ANAPC4: variants seen among roughly 807,000 people sequenced by gnomAD.
ANAPC4 encodes the protein anaphase-promoting complex subunit 4.
A neutral mutation model predicts 119.8 loss-of-function variants in ANAPC4; 63 were observed. That is an observed-to-expected ratio of 0.53 (90% CI 0.43 to 0.65). ANAPC4 has a LOEUF of 0.65. Among genes scored for constraint, ANAPC4 ranks in the 30% least tolerant of loss-of-function variants. ANAPC4 has a pLI of 0.00. For synonymous variants in ANAPC4, 283 were observed against 318.6 expected, an observed-to-expected ratio of 0.89 and a Z score of 1.19; for missense variants, 716 against 945.1, an observed-to-expected ratio of 0.76 and a Z score of 3.18.
intron 2 of ANAPC4, among the ~76,000 whole-genome samples, chr4:25,379,130 T>C (rs1035141337): frequency 6.6e-6 from 1 of 151,986 alleles, no homozygotes; most frequent in African/African-American, 2.4e-5. Context: ...AAGTTTAAAA[T>C]GGAGATTTTG....
chr4:25,383,199 A>AT, intron 3 of ANAPC4, 62 bp from the exon 4 acceptor site: 1 of 1,441,012 alleles, frequency 6.9e-7, no homozygotes, highest in Non-Finnish European at 9.2e-7. Flanking sequence ...AATAAGGGAA[A>AT]TACCCATTTA....
chr4:25,409,733 C>T lies in ANAPC4; in HGVS notation c.1467C>T (p.Pro489=), dbSNP rs754745978. 2 of 1,612,946 alleles carry T rather than the reference C, an allele frequency of 1.2e-6. No individual in the cohort carries two copies. Among genetic ancestry groups the T allele is most frequent in the Admixed American group, 3.3e-5 (2 of 59,958 alleles). ...LKDEDDDLVS[P]PNTEGNQWYD... ...ATGAAGATGATGATCTTGTGTCACC[C>T]CCTAACACAGAAGGAAACCAGTGGT... Residue 489 remains proline, a synonymous_variant, in exon 21 of 29, where the codon CCC becomes CCT. Transcript: ENST00000315368.
At chr4:25,378,725 G>GGGAAACCTAATA (rs1182127186) in intron 2 of ANAPC4, among the ~76,000 whole-genome samples, 2 of 152,184 alleles carry the variant, frequency 1.3e-5, no homozygotes, top group Non-Finnish European at 2.9e-5. Flanking sequence ...AGGTGGACTT[G>GGGAAACCTAATA]GGAAACCTAA....
intron 11 of ANAPC4, 24 bp from the exon 12 acceptor site, chr4:25,394,285 CA>C: frequency 6.4e-7 from 1 of 1,560,032 alleles, no homozygotes; most frequent in African/African-American, 1.4e-5. Context: ...ACATATATCA[CA>C]ATTTTTTTTT....
At chr4:25,408,791 G>A (rs1168971058) in intron 20 of ANAPC4, among the ~76,000 whole-genome samples, 1 of 151,980 alleles carries the variant, frequency 6.6e-6, no homozygotes, top group East Asian at 1.9e-4. Context: ...GAACCACCGT[G>A]CCCAGCCTAT....
At chr4:25,390,301 C>G in intron 8 of ANAPC4, 81 bp downstream of exon 8, 1 of 1,041,426 alleles carries the variant, frequency 9.6e-7, no homozygotes, top group Non-Finnish European at 1.4e-6. Context: ...GAATAAAACA[C>G]TAGGTTTTTT....
chr4:25,409,862 T>C, intron 21 of ANAPC4, 71 bp downstream of exon 21: 2 of 1,092,958 alleles, frequency 1.8e-6, no homozygotes, highest in South Asian at 2.7e-5. Context: ...ATAGTTCTGC[T>C]AACAGTTTTG....
At chr4:25,397,746 T>C (rs1722737593) in intron 16 of ANAPC4, among the ~76,000 whole-genome samples, 1 of 150,930 alleles carries the variant, frequency 6.6e-6, no homozygotes, top group Admixed American at 6.6e-5. Flanking sequence ...CTTTATAGTT[T>C]TTTTTTTTTT....
chr4:25,378,636 C>T (rs1721544657), intron 2 of ANAPC4, among the ~76,000 whole-genome samples: 1 of 152,088 alleles, frequency 6.6e-6, no homozygotes. Context: ...GAAGCAAGGG[C>T]ATTGTTTATG....
chr4:25,414,736 A>C, intron 25 of ANAPC4, 36 bp downstream of exon 25: 2 of 1,435,208 alleles, frequency 1.4e-6, no homozygotes, highest in South Asian at 1.5e-5. Flanking sequence ...CAAAGAGATA[A>C]GATTTTATTA....
intron 16 of ANAPC4, among the ~76,000 whole-genome samples, chr4:25,401,299 A>G (rs1722955057): frequency 6.6e-6 from 1 of 152,130 alleles, no homozygotes; most frequent in South Asian, 2.1e-4. Context: ...AGGTTGGGGC[A>G]GCAGGGAGCA....
intron 10 of ANAPC4, 94 bp downstream of exon 10, chr4:25,392,515 T>G (rs753342838): frequency 1.9e-4 from 185 of 961,638 alleles, no homozygotes; most frequent in Non-Finnish European, 2.8e-4. Flanking sequence ...TGTAAAGCTT[T>G]CTGAAGTAGA....
chr4:25,402,961 A>C lies in ANAPC4; in HGVS notation c.1215-10A>C, dbSNP rs535969677. 6.5e-7 allele frequency: 1 copy of C among 1,527,872 alleles called. No individual in the cohort carries two copies. The highest frequency in any genetic ancestry group is 9.0e-7 in the Non-Finnish European group (1 of 1,116,992). The allele number at this position is 1,527,872 out of a possible 1,614,324, so 94.6% of individuals were successfully genotyped here. On this transcript the variant is annotated splice_polypyrimidine_tract_variant and intron_variant, in intron 16 of 28. Coordinates refer to ENST00000315368, the MANE Select transcript of ANAPC4 (RefSeq NM_013367.3). ...ATCTTATTTCTGATTTTTTGTTTTT[A>C]TCTCTTTAGAGTTATAGATAGTAGT...
intron 21 of ANAPC4, chr4:25,412,940 A>T (rs1326809698): frequency 6.6e-6 from 1 of 152,124 alleles, no homozygotes; most frequent in African/African-American, 2.4e-5. Context: ...GCTTTATCTA[A>T]GGGAGGGCCT....
chr4:25,408,258 T>C (rs953375038), intron 20 of ANAPC4, among the ~76,000 whole-genome samples: 3 of 152,236 alleles, frequency 2.0e-5, no homozygotes, highest in East Asian at 1.9e-4. Context: ...TTTGTTTCAG[T>C]GTGGAATCTA....
intron 28 of ANAPC4, 85 bp downstream of exon 28, chr4:25,417,824 AT>A (rs1723968796): frequency 6.7e-7 from 1 of 1,501,994 alleles, no homozygotes; most frequent in African/African-American, 1.4e-5. Context: ...TACATGATAT[AT>A]AAGGTCCTTT....
At chr4:25,387,850 T>C (rs1308642803) in intron 4 of ANAPC4, among the ~76,000 whole-genome samples, 3 of 152,084 alleles carry the variant, frequency 2.0e-5, no homozygotes, top group East Asian at 3.8e-4. Flanking sequence ...CTAAATCACA[T>C]AGTAGGCCAT....
chr4:25,414,164 C>T lies in ANAPC4; in HGVS notation c.1624-160C>T, dbSNP rs1438240599. 5.4e-6 allele frequency: 3 copies of T among 553,066 alleles called. No individual in the cohort carries two copies. The East Asian group carries it at 9.5e-5, about 17-fold the overall frequency. 34.3% of individuals were successfully genotyped at this position (553,066 alleles called of 1,614,324 possible). On this transcript the variant is annotated intron_variant, in intron 22 of 28. Transcript: ENST00000315368. ...TTTCAGCTCAGAATTTTCTCTTTTT[C>T]CTTACTGTTACAATTGTCATTAACG...
chr4:25,416,742 A>G (rs777156964), intron 27 of ANAPC4, 144 bp downstream of exon 27: 13 of 563,662 alleles, frequency 2.3e-5, no homozygotes, highest in Non-Finnish European at 3.6e-5. Context: ...AAATGCTCCA[A>G]TTTTTCATTC....
Sources: allele counts gnomAD v4.1 joint callset (sites outside exome capture counted in the v4.1 genomes callset), GRCh38; gene constraint gnomAD v4.1.1; transcripts MANE v1.5; gene names NCBI Gene and HGNC (gene_info 2026-07-23, HGNC 2026-07-21).